The following SLC37A3 variants were observed in gnomAD, a reference collection of about 807,000 sequenced individuals.
SLC37A3 encodes solute carrier family 37 member 3.
A neutral mutation model predicts 67.1 loss-of-function variants in SLC37A3; 51 were observed. The ratio of observed to expected loss-of-function variants is 0.76; its 90% CI spans 0.61 to 0.96. The LOEUF (loss-of-function observed/expected upper bound fraction) is 0.96. Among genes scored for constraint, SLC37A3 ranks in the 40% least tolerant of loss-of-function variants. The pLI is 0.00. For missense variants in SLC37A3, 508 were observed against 603.0 expected (o/e 0.84, Z 1.65); for synonymous variants, 214 against 231.4 (o/e 0.92, Z 0.68).
chr7:140,382,826 T>C (rs917269526), intron 1 of SLC37A3, among the ~76,000 whole-genome samples: 1 of 147,788 alleles, frequency 6.8e-6, no homozygotes, highest in African/African-American at 2.5e-5. Context: ...AAAGAGCTCA[T>C]ACAAACTGAT....
intron 10 of SLC37A3, among the ~76,000 whole-genome samples, chr7:140,347,758 C>CA (rs11436762): frequency 0.36 from 49,959 of 139,418 alleles, 8,804 homozygotes; most frequent in East Asian, 0.64. Flanking sequence ...CTAGCTACAG[C>CA]AAAAAAAAAA....
rs374191871 is a variant in SLC37A3, at chr7:140,356,066, C to T, written c.522-302G>A. Among the ~76,000 whole-genome samples, 36 of 151,738 alleles carry T rather than the reference C, an allele frequency of 2.4e-4. 2 individuals carry two copies. Among genetic ancestry groups the T allele is most frequent in the East Asian group, 1.2e-3 (6 of 5,138 alleles). ...AAAATCAGTTGGGCGTGGTGGCAGG[C>T]GCCTGTAATCCCAGCTACTCGGAAG... On this transcript the variant is annotated intron_variant, in intron 6 of 14. Coordinates refer to ENST00000326232, the MANE Select transcript of SLC37A3 (RefSeq NM_207113.3).
chr7:140,382,388 C>T, intron 2 of SLC37A3, 50 bp downstream of exon 2: 1 of 1,545,822 alleles, frequency 6.5e-7, no homozygotes, highest in Non-Finnish European at 8.9e-7. Flanking sequence ...ATATCTCCCT[C>T]AAAAGAAAAA....
chr7:140,356,226 AAT>A (rs1394217294), intron 6 of SLC37A3, among the ~76,000 whole-genome samples: 1 of 151,960 alleles, frequency 6.6e-6, no homozygotes, highest in East Asian at 1.9e-4. Flanking sequence ...AAAAATCCAG[AAT>A]ATAAGGCCCT....
At chr7:140,395,825 G>A (rs1483533396) in intron 1 of SLC37A3, among the ~76,000 whole-genome samples, 2 of 152,158 alleles carry the variant, frequency 1.3e-5, no homozygotes, top group Admixed American at 6.5e-5. Flanking sequence ...ACACTCAAAG[G>A]AGAGGGGCAT....
At chr7:140,397,947 A>G (rs1799004008) in intron 1 of SLC37A3, among the ~76,000 whole-genome samples, 1 of 152,240 alleles carries the variant, frequency 6.6e-6, no homozygotes, top group Non-Finnish European at 1.5e-5. Context: ...GCTAGTTACC[A>G]GAAAACAAAA....
intron 1 of SLC37A3, among the ~76,000 whole-genome samples, chr7:140,385,999 T>A (rs1039956720): frequency 1.3e-5 from 2 of 152,152 alleles, no homozygotes; most frequent in Admixed American, 6.5e-5. Context: ...GCCAGGCTGG[T>A]CTCGAACTCC....
chr7:140,343,299 A>C lies in SLC37A3; in HGVS notation c.1326+113T>G, dbSNP rs1796429433. The C allele has an allele frequency of 4.1e-6, 6 of 1,463,212 alleles. No homozygotes were observed. In the African/African-American group the frequency reaches 4.2e-5, roughly 10 times the overall value. 90.6% of individuals were successfully genotyped at this position (1,463,212 alleles called of 1,614,324 possible). On this transcript the variant is annotated intron_variant, in intron 13 of 14. Coordinates refer to ENST00000326232, the MANE Select transcript of SLC37A3 (RefSeq NM_207113.3). ...GAGACGGAAGTCCTTGGGCTCTGGGAACAGCGTTCTACAGCACAAGAGTGC... is the reference window on the plus strand; with the variant it reads ...GAGACGGAAGTCCTTGGGCTCTGGGCACAGCGTTCTACAGCACAAGAGTGC...
At chr7:140,384,417 GTAC>G (rs1329339818) in intron 1 of SLC37A3, among the ~76,000 whole-genome samples, 1 of 152,050 alleles carries the variant, frequency 6.6e-6, no homozygotes, top group African/African-American at 2.4e-5. Context: ...CATTAGAAAA[GTAC>G]TATATTTTAG....
At chr7:140,341,443 C>T (rs929023773) in intron 13 of SLC37A3, among the ~76,000 whole-genome samples, 1 of 152,026 alleles carries the variant, frequency 6.6e-6, no homozygotes, top group Non-Finnish European at 1.5e-5. Flanking sequence ...GCTATGGCAA[C>T]CTGAAGAAGA....
intron 12 of SLC37A3, 109 bp downstream of exon 12, chr7:140,345,107 C>A: frequency 1.1e-6 from 1 of 943,494 alleles, no homozygotes; most frequent in Non-Finnish European, 1.6e-6. Context: ...TTTGAATTCT[C>A]TGTAATTAAG....
Position 140,364,438 on chromosome 7 carries a change from C to T in SLC37A3, c.345G>A (p.Leu115=). ...VGDRLNLRWV[L]SFGMCSSALV... ...ATGCAGAAGAGCACATGCCAAAAGA[C>T]AGAACCCATCGCAAATTCAACCGAT... The change falls in exon 5 of 15, where the codon CTG becomes CTA. Residue 115 remains leucine (L), a synonymous_variant. Coordinates refer to ENST00000326232, the MANE Select transcript of SLC37A3 (RefSeq NM_207113.3). The T allele has an allele frequency of 2.5e-6, 4 of 1,614,022 alleles. No homozygotes were observed. The highest frequency in any genetic ancestry group is 1.7e-6 in the Non-Finnish European group (2 of 1,180,000).
chr7:140,380,243 C>A, intron 3 of SLC37A3, 39 bp downstream of exon 3: 1 of 1,318,250 alleles, frequency 7.6e-7, no homozygotes, highest in South Asian at 1.2e-5. Context: ...TGGGCACGGT[C>A]TCCTACTTCG....
At chr7:140,354,082 C>G (rs1796925410) in intron 7 of SLC37A3, among the ~76,000 whole-genome samples, 1 of 152,242 alleles carries the variant, frequency 6.6e-6, no homozygotes, top group Non-Finnish European at 1.5e-5. Flanking sequence ...TTCGACTTCA[C>G]AGGTGCACAG....
intron 4 of SLC37A3, among the ~76,000 whole-genome samples, chr7:140,365,737 G>A (rs1243709802): frequency 2.0e-5 from 3 of 151,750 alleles, no homozygotes; most frequent in African/African-American, 7.3e-5. Flanking sequence ...AAAATGAGAA[G>A]ATAAATTTAA....
Position 140,352,152 on chromosome 7 carries a change from G to A in SLC37A3, c.619-6C>T. 1 of 1,608,554 alleles carries A rather than the reference G, an allele frequency of 6.2e-7. No individual in the cohort carries two copies. Among genetic ancestry groups the A allele is most frequent in the Non-Finnish European group, 8.5e-7 (1 of 1,177,080 alleles). On this transcript the variant is annotated splice_polypyrimidine_tract_variant and splice_region_variant and intron_variant, in intron 7 of 14. Transcript: ENST00000326232. Reference sequence around the variant, plus strand: ...GCCGTCACCAGAAAGGCATACTGGAGGAGAGGGGTGAAAGGTGGTCCTTAC... The same window carrying A: ...GCCGTCACCAGAAAGGCATACTGGAAGAGAGGGGTGAAAGGTGGTCCTTAC...
Position 140,358,631 on chromosome 7 carries a change from G to T in SLC37A3, c.521+9C>A, listed in dbSNP as rs748313221. ...AACAGAGAAATTAGAGAGGAAGGAA[G>T]TGGCATACCCGGCTTTCCCAAACCA... On this transcript the variant is annotated intron_variant, in intron 6 of 14. Transcript: ENST00000326232. 3.1e-6 allele frequency: 5 copies of T among 1,613,354 alleles called. No individual in the cohort carries two copies. The highest frequency in any genetic ancestry group is 8.5e-7 in the Non-Finnish European group (1 of 1,179,386).
chr7:140,369,899 T>A (rs933841457), intron 3 of SLC37A3, among the ~76,000 whole-genome samples: 1 of 152,182 alleles, frequency 6.6e-6, no homozygotes, highest in Non-Finnish European at 1.5e-5. Context: ...TCACCTGATA[T>A]CGGGAGTTCG....
intron 13 of SLC37A3, among the ~76,000 whole-genome samples, chr7:140,342,592 A>G (rs1796399820): frequency 1.3e-5 from 2 of 152,274 alleles, no homozygotes; most frequent in South Asian, 4.1e-4. Flanking sequence ...GTACTCTACA[A>G]TCTGTAGTGG....
Sources: allele counts gnomAD v4.1 joint callset (sites outside exome capture counted in the v4.1 genomes callset), GRCh38; gene constraint gnomAD v4.1.1; transcripts MANE v1.5; gene names NCBI Gene and HGNC (gene_info 2026-07-23, HGNC 2026-07-21).